Variants in GPC5 observed in about 807,000 individuals in gnomAD.
GPC5 encodes the protein glypican-5.
Under a neutral mutation model 53.9 loss-of-function variants are expected in GPC5, and 47 were observed. The observed-to-expected ratio is 0.87, with a 90% CI of 0.69 to 1.11. The LOEUF is 1.11. GPC5 is among the 50% of genes most tolerant of loss of function. GPC5 has a pLI of 0.00. For missense variants in GPC5, 748 were observed against 713.1 expected (o/e 1.05, Z -0.56); for synonymous variants, 286 against 263.3 (o/e 1.09, Z -0.84).
chr13:91,536,110 C>A (rs1428765458), intron 2 of GPC5, among the ~76,000 whole-genome samples: 1 of 152,016 alleles, frequency 6.6e-6, no homozygotes, highest in Non-Finnish European at 1.5e-5. Flanking sequence ...TATACTATTA[C>A]CAAAAGGTGC....
intron 5 of GPC5, among the ~76,000 whole-genome samples, chr13:91,853,222 GTC>G (rs1566304480): frequency 2.0e-5 from 3 of 152,044 alleles, no homozygotes; most frequent in Admixed American, 1.3e-4. Flanking sequence ...TTGATATTCA[GTC>G]TCTAACTTTT....
At chr13:91,961,618 A>G (rs950208895) in intron 6 of GPC5, among the ~76,000 whole-genome samples, 5 of 152,102 alleles carry the variant, frequency 3.3e-5, no homozygotes, top group African/African-American at 1.2e-4. Context: ...TCATAATAAC[A>G]CAGCAGAAAA....
chr13:92,120,255 C>T (rs1234829799), intron 6 of GPC5, among the ~76,000 whole-genome samples: 3 of 152,086 alleles, frequency 2.0e-5, no homozygotes, highest in Non-Finnish European at 4.4e-5. Context: ...GAAGAAGTGC[C>T]TTTCTTTTTA....
intron 7 of GPC5, among the ~76,000 whole-genome samples, chr13:92,569,859 A>C (rs1456002673): frequency 3.3e-5 from 5 of 152,220 alleles, no homozygotes; most frequent in Admixed American, 6.5e-5. Flanking sequence ...CGGAACTATC[A>C]GGAGCCTGGC....
At chr13:92,790,610 G>T (rs1876426834) in intron 7 of GPC5, among the ~76,000 whole-genome samples, 1 of 152,084 alleles carries the variant, frequency 6.6e-6, no homozygotes, top group African/African-American at 2.4e-5. Flanking sequence ...CAAGAAATGA[G>T]ATCTTAGTTT....
intron 6 of GPC5, among the ~76,000 whole-genome samples, chr13:92,038,404 C>T (rs1254065610): frequency 1.3e-5 from 2 of 149,080 alleles, no homozygotes; most frequent in African/African-American, 4.9e-5. Flanking sequence ...AGATCGATCC[C>T]TGTTTGGGTG....
intron 6 of GPC5, among the ~76,000 whole-genome samples, chr13:92,140,312 C>G (rs1270761945): frequency 1.3e-5 from 2 of 152,086 alleles, no homozygotes; most frequent in Admixed American, 1.3e-4. Context: ...AATTTACAAG[C>G]AAAACAAAAT....
intron 7 of GPC5, among the ~76,000 whole-genome samples, chr13:92,636,940 C>G (rs927618073): frequency 8.5e-5 from 13 of 152,128 alleles, no homozygotes; most frequent in African/African-American, 2.9e-4. Context: ...TATTCTCAAC[C>G]AGTCACCTGG....
chr13:92,195,402 C>T (rs1476567956), intron 7 of GPC5, among the ~76,000 whole-genome samples: 1 of 152,134 alleles, frequency 6.6e-6, no homozygotes, highest in Non-Finnish European at 1.5e-5. Flanking sequence ...TTTAATTTAA[C>T]CTTTAAAATA....
intron 6 of GPC5, among the ~76,000 whole-genome samples, chr13:91,970,755 T>C (rs528497180): frequency 1.8e-4 from 27 of 152,366 alleles, no homozygotes; most frequent in Middle Eastern, 3.4e-3. Context: ...TCTGTTTATA[T>C]ACTGGATTAC....
At chr13:91,754,391 G>C (rs1230357245) in intron 4 of GPC5, among the ~76,000 whole-genome samples, 1 of 152,122 alleles carries the variant, frequency 6.6e-6, no homozygotes, top group Non-Finnish European at 1.5e-5. Flanking sequence ...ATAGCCGTGG[G>C]AAAGAGGACT....
At chr13:91,613,341 C>T (rs1242277276) in intron 2 of GPC5, among the ~76,000 whole-genome samples, 1 of 152,090 alleles carries the variant, frequency 6.6e-6, no homozygotes, top group African/African-American at 2.4e-5. Context: ...GGGAAACTCC[C>T]CTTTATAAAA....
Position 91,814,525 on chromosome 13 carries a change from C to CTTTATTTATTTATTTA in GPC5, c.1280+58121_1280+58136dup, listed in dbSNP as rs140584837. Among the ~76,000 whole-genome samples the CTTTATTTATTTATTTA allele has an allele frequency of 6.9e-3, 1,049 of 151,068 alleles. 13 individuals carry two copies. The highest frequency in any genetic ancestry group is 0.018 in the African/African-American group (724 of 41,266). On this transcript the variant is annotated intron_variant, in intron 5 of 7. Transcript: ENST00000377067. ...GTTTTTGATCATATGTATTCTGCAA[C>CTTTATTTATTTATTTA]TTTATTTATTTATTTATTTATTTAT... is the stretch of plus-strand genomic sequence containing the variant.
chr13:92,336,911 C>T (rs1445872650), intron 7 of GPC5, among the ~76,000 whole-genome samples: 1 of 152,104 alleles, frequency 6.6e-6, no homozygotes, highest in African/African-American at 2.4e-5. Flanking sequence ...AGTGATCTTC[C>T]AGCATGTACA....
At chr13:92,506,139 T>C (rs1880359659) in intron 7 of GPC5, among the ~76,000 whole-genome samples, 1 of 152,118 alleles carries the variant, frequency 6.6e-6, no homozygotes, top group Non-Finnish European at 1.5e-5. Flanking sequence ...ACCTTAAAAA[T>C]AATTATCCAC....
intron 2 of GPC5, among the ~76,000 whole-genome samples, chr13:91,668,957 G>A (rs1443747547): frequency 2.0e-5 from 3 of 152,114 alleles, no homozygotes; most frequent in African/African-American, 7.2e-5. Context: ...AGCACACGTT[G>A]ATTAACTACT....
chr13:92,763,329 G>A lies in GPC5; in HGVS notation c.1562-102953G>A, dbSNP rs528016517. On this transcript the variant is annotated intron_variant, in intron 7 of 7. Coordinates refer to ENST00000377067, the MANE Select transcript of GPC5 (RefSeq NM_004466.6). Reference sequence around the variant, plus strand: ...GGAAGGCCATGGTGGCTGATTCTGAGTAGATGAAGGGGTACAGCTTCCATT... The same window carrying A: ...GGAAGGCCATGGTGGCTGATTCTGAATAGATGAAGGGGTACAGCTTCCATT... 1.2e-4 allele frequency among the ~76,000 whole-genome samples: 18 copies of A among 152,056 alleles called. No individual in the cohort carries two copies. The South Asian group carries it at 3.7e-3, about 32-fold the overall frequency.
chr13:92,610,447 A>G, intron 7 of GPC5, among the ~76,000 whole-genome samples: 1 of 152,160 alleles, frequency 6.6e-6, no homozygotes, highest in East Asian at 1.9e-4. Context: ...AAATATCTTG[A>G]TGACACTTCC....
intron 7 of GPC5, among the ~76,000 whole-genome samples, chr13:92,198,470 A>T (rs749807082): frequency 5.9e-5 from 9 of 152,156 alleles, no homozygotes; most frequent in Non-Finnish European, 1.3e-4. Flanking sequence ...GTCCAAATTG[A>T]TGACTTATAG....
Sources: allele counts gnomAD v4.1 joint callset (sites outside exome capture counted in the v4.1 genomes callset), GRCh38; gene constraint gnomAD v4.1.1; transcripts MANE v1.5; gene names NCBI Gene and HGNC (gene_info 2026-07-23, HGNC 2026-07-21).